TSEN15: variants seen among roughly 807,000 people sequenced by gnomAD.
TSEN15 encodes the protein tRNA splicing endonuclease subunit 15.
TSEN15 carries 10 observed loss-of-function variants against 20.5 expected under a neutral mutation model. That is an observed-to-expected ratio of 0.49 (90% CI 0.30 to 0.83). The LOEUF (loss-of-function observed/expected upper bound fraction) is 0.83. Ranked by LOEUF, TSEN15 falls within the 40% of genes least tolerant of loss-of-function variation. TSEN15 has a pLI of 0.06. For missense variants in TSEN15, 180 were observed against 218.6 expected, an observed-to-expected ratio of 0.82 and a Z score of 1.11; for synonymous variants, 72 against 80.1, an observed-to-expected ratio of 0.90 and a Z score of 0.54.
At chr1:184,072,505 A>G (rs956012520) in intron 4 of TSEN15, 6 of 563,116 alleles carry the variant, frequency 1.1e-5, no homozygotes, top group Non-Finnish European at 1.8e-5. Flanking sequence ...CAAAAAAAAA[A>G]TTGATTTCCT....
chr1:184,057,913 A>G (rs1035996637), intron 3 of TSEN15, among the ~76,000 whole-genome samples: 5 of 152,094 alleles, frequency 3.3e-5, no homozygotes, highest in African/African-American at 1.2e-4. Context: ...AAGCCATCCT[A>G]TATCCAAGAG....
chr1:184,069,367 C>T (rs1257294881), intron 3 of TSEN15, among the ~76,000 whole-genome samples: 1 of 151,948 alleles, frequency 6.6e-6, no homozygotes, highest in East Asian at 1.9e-4. Flanking sequence ...AGGTTGATTT[C>T]TATCCAATAT....
intron 3 of TSEN15, among the ~76,000 whole-genome samples, chr1:184,081,595 G>A (rs904630886): frequency 6.6e-6 from 1 of 152,212 alleles, no homozygotes; most frequent in African/African-American, 2.4e-5. Context: ...ATAGAAAGGA[G>A]AGGAGAGAGC....
At chr1:184,082,947 T>C (rs1337862904) in intron 3 of TSEN15, among the ~76,000 whole-genome samples, 1 of 152,170 alleles carries the variant, frequency 6.6e-6, no homozygotes, top group Non-Finnish European at 1.5e-5. Context: ...TATCAGTTAA[T>C]ATATCAAAAA....
At chr1:184,078,380 G>A (rs564081726), downstream of TSEN15, among the ~76,000 whole-genome samples, 1 of 152,156 alleles carries the variant, frequency 6.6e-6, no homozygotes, top group African/African-American at 2.4e-5. Context: ...TTGTTTTATT[G>A]CAATATTTAC....
intron 3 of TSEN15, among the ~76,000 whole-genome samples, chr1:184,065,417 C>T (rs970814340): frequency 1.3e-5 from 2 of 152,138 alleles, no homozygotes; most frequent in Non-Finnish European, 2.9e-5. Flanking sequence ...TCTTTTTGCA[C>T]AATTCTGTGG....
At chr1:184,079,196 G>A (rs1193939424), downstream of TSEN15, among the ~76,000 whole-genome samples, 1 of 152,142 alleles carries the variant, frequency 6.6e-6, no homozygotes, top group African/African-American at 2.4e-5. Flanking sequence ...CAAATGTCTA[G>A]TAGGTGGGTG....
At chr1:184,086,386 G>A (rs1455971790) in intron 3 of TSEN15, among the ~76,000 whole-genome samples, 1 of 152,118 alleles carries the variant, frequency 6.6e-6, no homozygotes, top group Non-Finnish European at 1.5e-5. Context: ...TGGAAGTTGG[G>A]GTGGGGAAGA....
intron 3 of TSEN15, among the ~76,000 whole-genome samples, chr1:184,069,027 A>G (rs1650790524): frequency 6.6e-6 from 1 of 152,230 alleles, no homozygotes; most frequent in Non-Finnish European, 1.5e-5. Context: ...CAGAATCATT[A>G]CAGAAAAATC....
At chr1:184,097,396 G>T (rs1212921321) in exon 4 of TSEN15, 2 of 152,182 alleles carry the variant, frequency 1.3e-5, no homozygotes, top group Admixed American at 1.3e-4. Context: ...CCTCTCCGCT[G>T]CCCTTAACTC....
intron 3 of TSEN15, 164 bp from the exon 4 acceptor site, chr1:184,071,993 C>T (rs1050584345): frequency 3.5e-6 from 2 of 563,514 alleles, no homozygotes; most frequent in South Asian, 3.3e-5. Context: ...TTATTTGATA[C>T]TATACCAGAA....
chr1:184,097,287 G>A (rs1651471447), exon 4 of TSEN15: 1 of 152,164 alleles, frequency 6.6e-6, no homozygotes, highest in Non-Finnish European at 1.5e-5. Flanking sequence ...AGTTTTTCTT[G>A]ACTAATGATT....
At chr1:184,095,527 C>A (rs1309430324) in intron 3 of TSEN15, 1 of 392,406 alleles carries the variant, frequency 2.5e-6, no homozygotes, top group Non-Finnish European at 4.5e-6. Flanking sequence ...TGGAGGTAAT[C>A]AAATTAACAG....
At chr1:184,082,552 TC>T (rs1298300624) in intron 3 of TSEN15, among the ~76,000 whole-genome samples, 1 of 152,058 alleles carries the variant, frequency 6.6e-6, no homozygotes, top group Non-Finnish European at 1.5e-5. Flanking sequence ...CCCTTTCATT[TC>T]CTTTATTTCC....
intron 3 of TSEN15, among the ~76,000 whole-genome samples, chr1:184,086,470 A>T (rs560625293): frequency 6.6e-6 from 1 of 152,290 alleles, no homozygotes; most frequent in East Asian, 1.9e-4. Context: ...TACTTAAAAC[A>T]ATAGTTTTTG....
chr1:184,060,341 C>T (rs76546461), intron 3 of TSEN15, among the ~76,000 whole-genome samples: 3,394 of 152,284 alleles, frequency 0.022, 120 homozygotes, highest in African/African-American at 0.077. Flanking sequence ...CAAGGCTTGG[C>T]GAACAATGAA....
At position 184,073,734 on chromosome 1, in the gene TSEN15, A is replaced by G. The variant is rs1650987749; in HGVS notation, c.*887A>G. 1.3e-5 allele frequency: 2 copies of G among 152,560 alleles called. 1 individual carries two copies. Among genetic ancestry groups the G allele is most frequent in the South Asian group, 4.1e-4 (2 of 4,834 alleles). 9.5% of individuals were successfully genotyped at this position (152,560 alleles called of 1,614,324 possible). Reference sequence around the variant, plus strand: ...GGGTAAAGATTGGCAAACTTTTTCTATAAAGGGCCAGAAAGTAACTATTTT... The same window carrying G: ...GGGTAAAGATTGGCAAACTTTTTCTGTAAAGGGCCAGAAAGTAACTATTTT... On this transcript the variant is annotated 3_prime_UTR_variant, in exon 5 of 5. Coordinates refer to ENST00000645668, the MANE Select transcript of TSEN15 (RefSeq NM_052965.4).
chr1:184,055,915 G>C (rs1650234937), intron 3 of TSEN15, among the ~76,000 whole-genome samples: 1 of 151,904 alleles, frequency 6.6e-6, no homozygotes, highest in Non-Finnish European at 1.5e-5. Flanking sequence ...CTGACCTGAG[G>C]TAACTCATTC....
Position 184,051,777 on chromosome 1 carries a change from G to T in TSEN15, c.22G>T (p.Glu8Ter). The T allele has an allele frequency of 4.6e-6, 7 of 1,510,896 alleles. No individual in the cohort carries two copies. The highest frequency in any genetic ancestry group is 5.3e-6 in the Non-Finnish European group (6 of 1,130,178). The allele number at this position is 1,510,896 out of a possible 1,614,324, so 93.6% of individuals were successfully genotyped here. ...CGGCATGGAGGAGCGCGGCGATTCC[G>T]AGCCGACCCCCGGCTGCAGCGGCCT... The part of the protein sequence containing the change: MEERGDS[E>*]PTPGCSGLGP... Residue 8 changes from glutamate (E) to a stop codon, truncating the protein, a stop_gained, in exon 1 of 5, where the codon GAG (glutamate) becomes TAG (stop). Transcript: ENST00000645668. LOFTEE classifies it high-confidence loss of function.
Sources: allele counts gnomAD v4.1 joint callset (sites outside exome capture counted in the v4.1 genomes callset), GRCh38; gene constraint gnomAD v4.1.1; transcripts MANE v1.5; gene names NCBI Gene and HGNC (gene_info 2026-07-23, HGNC 2026-07-21).